SLC39A8: variants seen among roughly 807,000 people sequenced by gnomAD.
SLC39A8 encodes metal cation symporter ZIP8.
A neutral mutation model predicts 40.4 loss-of-function variants in SLC39A8; 15 were observed. That is an observed-to-expected ratio of 0.37 (90% CI 0.25 to 0.57). The LOEUF is 0.57. Among genes scored for constraint, SLC39A8 ranks in the 20% least tolerant of loss-of-function variants. The pLI is 0.75. For synonymous variants in SLC39A8, 223 were observed against 221.6 expected, an observed-to-expected ratio of 1.01 and a Z score of -0.06; for missense variants, 472 against 558.8, an observed-to-expected ratio of 0.84 and a Z score of 1.57.
downstream of SLC39A8, among the ~76,000 whole-genome samples, chr4:102,257,517 T>C (rs561989770): frequency 6.6e-6 from 1 of 152,244 alleles, no homozygotes; most frequent in South Asian, 2.1e-4. Context: ...AGTAGGAGGA[T>C]AGTCAAGGAA....
At chr4:102,326,605 T>C (rs1472146807) in intron 2 of SLC39A8, among the ~76,000 whole-genome samples, 1 of 152,210 alleles carries the variant, frequency 6.6e-6, no homozygotes, top group African/African-American at 2.4e-5. Flanking sequence ...TTTATTGTTA[T>C]GTTTAATAAA....
rs1732629051 is a variant in SLC39A8, at chr4:102,276,577, C to A, written c.841-8498G>T. ...CAGATGTACAAAGAGAAGCTGGTACCATTCCTTCTGAAACTATTCCAAACA... is the reference window on the plus strand; with the variant it reads ...CAGATGTACAAAGAGAAGCTGGTACAATTCCTTCTGAAACTATTCCAAACA... On this transcript the variant is annotated intron_variant, in intron 6 of 8. Coordinates refer to ENST00000356736, the MANE Select transcript of SLC39A8 (RefSeq NM_001135146.2). Among the ~76,000 whole-genome samples the A allele has an allele frequency of 3.3e-5, 5 of 152,318 alleles. No individual in the cohort carries two copies. In the South Asian group the frequency reaches 1.0e-3, roughly 32 times the overall value.
At chr4:102,279,180 C>G (rs531248873) in intron 6 of SLC39A8, among the ~76,000 whole-genome samples, 1 of 151,878 alleles carries the variant, frequency 6.6e-6, no homozygotes, top group African/African-American at 2.4e-5. Context: ...CTCCTGTCCC[C>G]GAAACCTTGG....
intron 4 of SLC39A8, among the ~76,000 whole-genome samples, chr4:102,306,196 T>C (rs140321590): frequency 2.0e-5 from 3 of 152,132 alleles, no homozygotes; most frequent in African/African-American, 7.2e-5. Context: ...CTTAACATCA[T>C]CAATGTAGAG....
At chr4:102,280,069 G>A (rs1429162817) in intron 6 of SLC39A8, among the ~76,000 whole-genome samples, 4 of 152,156 alleles carry the variant, frequency 2.6e-5, no homozygotes, top group African/African-American at 9.7e-5. Context: ...GTGGGGATCG[G>A]GATATTTATT....
At position 102,263,068 on chromosome 4, in the gene SLC39A8, A is replaced by G. The variant is rs201621576; in HGVS notation, c.1359T>C (p.Tyr453=). The stretch of plus-strand genomic sequence containing the variant: ...ATTACTCCAATTCGATTTCTCCTGC[A>G]TACAAGGTAATGAGTAGAATGGCTG... The part of the protein sequence containing the change: ...GFTAILLITL[Y]AGEIELE The change falls in exon 9 of 9, where the codon TAT becomes TAC. Residue 453 remains tyrosine, a synonymous_variant. Coordinates refer to ENST00000356736, the MANE Select transcript of SLC39A8 (RefSeq NM_001135146.2). The G allele has an allele frequency of 3.7e-5, 60 of 1,612,732 alleles. No homozygotes were observed. The highest frequency in any genetic ancestry group is 5.3e-5 in the African/African-American group (4 of 74,902).
intron 2 of SLC39A8, among the ~76,000 whole-genome samples, chr4:102,320,233 A>ATATGTATGAG (rs1425534555): frequency 6.6e-5 from 9 of 137,378 alleles, no homozygotes; most frequent in African/African-American, 2.5e-4. Context: ...GTATGAGTAT[A>ATATGTATGAG]TATATATGAG....
At chr4:102,300,521 C>G (rs1352883821) in intron 6 of SLC39A8, among the ~76,000 whole-genome samples, 1 of 151,920 alleles carries the variant, frequency 6.6e-6, no homozygotes, top group African/African-American at 2.4e-5. Flanking sequence ...TCAGCAAGAT[C>G]AAAAATTATG....
chr4:102,254,179 T>C (rs1731657668), intron 11 of SLC39A8, among the ~76,000 whole-genome samples: 1 of 152,196 alleles, frequency 6.6e-6, no homozygotes, highest in South Asian at 2.1e-4. Flanking sequence ...CTAAGGAGAA[T>C]TCTCCCATTT....
exon 12 of SLC39A8, chr4:102,251,740 TAGA>T (rs1181788587): frequency 6.6e-6 from 1 of 152,206 alleles, no homozygotes; most frequent in Admixed American, 6.5e-5. Flanking sequence ...AGGTTTAAAA[TAGA>T]AGAATTACTT....
At chr4:102,315,596 A>C in intron 3 of SLC39A8, 72 bp downstream of exon 3, 6 of 1,295,616 alleles carry the variant, frequency 4.6e-6, no homozygotes, top group Non-Finnish European at 6.3e-6. Flanking sequence ...GCAGAAAAAG[A>C]GGCATATTAA....
intron 6 of SLC39A8, among the ~76,000 whole-genome samples, chr4:102,288,820 T>C (rs1295562500): frequency 6.6e-6 from 1 of 151,930 alleles, no homozygotes; most frequent in Non-Finnish European, 1.5e-5. Context: ...AGAAGAAAGG[T>C]TGGAAGGTAG....
intron 2 of SLC39A8, among the ~76,000 whole-genome samples, chr4:102,324,008 T>C (rs1735082130): frequency 2.0e-5 from 3 of 152,192 alleles, no homozygotes; most frequent in Admixed American, 6.5e-5. Flanking sequence ...ACACAATATG[T>C]ATTATTCAGG....
At chr4:102,266,604 A>G (rs1732107888) in intron 8 of SLC39A8, among the ~76,000 whole-genome samples, 2 of 150,838 alleles carry the variant, frequency 1.3e-5, no homozygotes, top group South Asian at 4.2e-4. Flanking sequence ...TCTTACACAC[A>G]CACATGCACA....
intron 6 of SLC39A8, among the ~76,000 whole-genome samples, chr4:102,301,483 T>A (rs756734282): frequency 6.6e-6 from 1 of 152,102 alleles, no homozygotes; most frequent in Non-Finnish European, 1.5e-5. Flanking sequence ...GTTATTACTA[T>A]ATGATATTTT....
intron 2 of SLC39A8, among the ~76,000 whole-genome samples, chr4:102,317,589 G>A (rs1734718591): frequency 6.6e-6 from 1 of 152,152 alleles, no homozygotes; most frequent in Non-Finnish European, 1.5e-5. Context: ...AAGGCATCCA[G>A]AAGCATAATT....
intron 2 of SLC39A8, among the ~76,000 whole-genome samples, chr4:102,317,305 C>T (rs7436937): frequency 2.0e-4 from 30 of 151,978 alleles, no homozygotes; most frequent in Non-Finnish European, 2.9e-4. Context: ...AGTTGTCCAA[C>T]GCTAAGATTA....
chr4:102,310,048 T>C (rs1398270210), intron 3 of SLC39A8, among the ~76,000 whole-genome samples: 1 of 152,030 alleles, frequency 6.6e-6, no homozygotes, highest in African/African-American at 2.4e-5. Context: ...CATGCCCCCA[T>C]TTGAAATCGC....
chr4:102,281,361 G>C (rs758897521), intron 6 of SLC39A8, among the ~76,000 whole-genome samples: 8 of 152,132 alleles, frequency 5.3e-5, no homozygotes, highest in Non-Finnish European at 7.3e-5. Context: ...GGGATGCCGT[G>C]GAGAAACCAA....
Sources: gnomAD v4.1 joint callset for allele counts (sites outside exome capture counted in the v4.1 genomes callset) on GRCh38, gnomAD v4.1.1 for gene constraint, MANE v1.5 for transcripts, NCBI Gene and HGNC (gene_info 2026-07-23, HGNC 2026-07-21) for gene names.